The following CAMKMT variants were observed in gnomAD, a reference collection of about 807,000 sequenced individuals.
CAMKMT encodes calmodulin-lysine N-methyltransferase, also known as CaM KMT.
Under a neutral mutation model 48.0 loss-of-function variants are expected in CAMKMT, and 53 were observed. That is an observed-to-expected ratio of 1.10 (90% CI 0.89 to 1.39). CAMKMT has a LOEUF of 1.39. Ranked by LOEUF, CAMKMT falls within the 40% of genes most tolerant of loss-of-function variation. The pLI is 0.00. For synonymous variants in CAMKMT, 165 were observed against 152.3 expected (o/e 1.08, Z -0.61); for missense variants, 428 against 402.7 (o/e 1.06, Z -0.54).
intron 3 of CAMKMT, among the ~76,000 whole-genome samples, chr2:44,501,873 C>T (rs1172980245): frequency 6.6e-6 from 1 of 151,648 alleles, no homozygotes; most frequent in Admixed American, 6.6e-5. Context: ...AATAGAGTAG[C>T]GGGGTGGGTT....
intron 3 of CAMKMT, among the ~76,000 whole-genome samples, chr2:44,668,659 C>T (rs1048892924): frequency 6.6e-6 from 1 of 152,140 alleles, no homozygotes; most frequent in African/African-American, 2.4e-5. Context: ...ATATATAATT[C>T]GTAGAATATT....
At chr2:44,619,035 T>A (rs1672037784) in intron 3 of CAMKMT, among the ~76,000 whole-genome samples, 1 of 152,190 alleles carries the variant, frequency 6.6e-6, no homozygotes, top group African/African-American at 2.4e-5. Flanking sequence ...TTCTGTGACC[T>A]TTGGTCCAAG....
chr2:44,506,842 A>G (rs1670285781), intron 3 of CAMKMT, among the ~76,000 whole-genome samples: 1 of 152,174 alleles, frequency 6.6e-6, no homozygotes, highest in Non-Finnish European at 1.5e-5. Context: ...AGCTAATATT[A>G]CTTTAAATAA....
intron 3 of CAMKMT, among the ~76,000 whole-genome samples, chr2:44,523,838 C>T (rs989500312): frequency 6.0e-4 from 79 of 130,788 alleles, no homozygotes; most frequent in Admixed American, 2.8e-3. Flanking sequence ...AGTGCAGTGG[C>T]GTGATCTCGG....
chr2:44,515,660 T>C (rs1670797678), intron 3 of CAMKMT, among the ~76,000 whole-genome samples: 1 of 152,150 alleles, frequency 6.6e-6, no homozygotes, highest in South Asian at 2.1e-4. Flanking sequence ...GGATTATCAT[T>C]TCGGTTTTAG....
At chr2:44,588,897 A>G (rs1670082699) in intron 3 of CAMKMT, among the ~76,000 whole-genome samples, 1 of 12,000 alleles carries the variant, frequency 8.3e-5, no homozygotes, top group Non-Finnish European at 1.6e-4. Flanking sequence ...CGACCCGGCC[A>G]TCCGCCCCGT....
chr2:44,734,020 G>T (rs764346344), intron 7 of CAMKMT, among the ~76,000 whole-genome samples: 5 of 150,724 alleles, frequency 3.3e-5, no homozygotes, highest in East Asian at 3.9e-4. Context: ...TCAGTGTTTG[G>T]TTTCATTGAT....
intron 8 of CAMKMT, among the ~76,000 whole-genome samples, chr2:44,749,456 C>T (rs779025510): frequency 8.5e-5 from 13 of 152,136 alleles, no homozygotes; most frequent in Admixed American, 3.3e-4. Flanking sequence ...TCTGTGTGTA[C>T]GCTGTGCTGG....
At chr2:44,463,968 A>G (rs1421595727) in intron 3 of CAMKMT, among the ~76,000 whole-genome samples, 1 of 152,220 alleles carries the variant, frequency 6.6e-6, no homozygotes, top group East Asian at 1.9e-4. Flanking sequence ...CAAAGAAACA[A>G]AATAAATCTC....
intron 7 of CAMKMT, among the ~76,000 whole-genome samples, chr2:44,720,281 A>G (rs181376582): frequency 6.6e-6 from 1 of 152,292 alleles, no homozygotes; most frequent in Non-Finnish European, 1.5e-5. Flanking sequence ...TTAGAATAAC[A>G]TTGTATTGAT....
rs186999417 is a variant in CAMKMT, at chr2:44,695,120, A to G, written c.377-9163A>G. ...TGCAGCACTTCATTGAGTGACGTCA[A>G]TAATGTAGCAGAAGTGCTATAATTT... On this transcript the variant is annotated intron_variant, in intron 3 of 10. Transcript: ENST00000378494. Among the ~76,000 whole-genome samples the G allele has an allele frequency of 3.9e-5, 6 of 152,368 alleles. No individual in the cohort carries two copies. The East Asian group carries it at 1.2e-3, about 29-fold the overall frequency.
At chr2:44,437,360 C>G (rs1371793215) in intron 3 of CAMKMT, among the ~76,000 whole-genome samples, 1 of 152,168 alleles carries the variant, frequency 6.6e-6, no homozygotes. Flanking sequence ...CTGCTTCAAT[C>G]CCTTTGCTTA....
rs1338124960 is a variant in CAMKMT, at chr2:44,549,508, T to G, written c.377-154775T>G. On this transcript the variant is annotated intron_variant, in intron 3 of 10. Coordinates refer to ENST00000378494, the MANE Select transcript of CAMKMT (RefSeq NM_024766.5). ...TTGAACTGAAAACCACAATTACTTT[T>G]GCACCAACCTAAAATGTATATATAA... The G allele has an allele frequency of 4.3e-6, 3 of 693,082 alleles. No individual in the cohort carries two copies. In the Admixed American group the frequency reaches 6.1e-5, roughly 14 times the overall value. The allele number at this position is 693,082 out of a possible 1,614,324, so 42.9% of individuals were successfully genotyped here.
intron 2 of CAMKMT, among the ~76,000 whole-genome samples, chr2:44,386,266 C>T (rs1363561415): frequency 1.3e-5 from 2 of 151,924 alleles, no homozygotes; most frequent in African/African-American, 4.8e-5. Flanking sequence ...TATATTTTTC[C>T]AGGAATTTAT....
intron 3 of CAMKMT, among the ~76,000 whole-genome samples, chr2:44,546,154 G>GAC (rs4039614): frequency 0.12 from 15,385 of 128,876 alleles, 940 homozygotes; most frequent in Non-Finnish European, 0.14. Flanking sequence ...AGACTGCTAG[G>GAC]ACACACACAC....
chr2:44,592,979 C>G (rs1258457234), intron 3 of CAMKMT, among the ~76,000 whole-genome samples: 1 of 152,168 alleles, frequency 6.6e-6, no homozygotes, highest in Non-Finnish European at 1.5e-5. Flanking sequence ...TTTCTGTATA[C>G]TTGTTATATC....
intron 3 of CAMKMT, chr2:44,394,858 CAA>C (rs1558573368): frequency 2.2e-6 from 1 of 454,070 alleles, no homozygotes; most frequent in Non-Finnish European, 4.4e-6. Flanking sequence ...TTATTGAAAG[CAA>C]GACTCATTAA....
chr2:44,659,709 C>G (rs552501828), intron 3 of CAMKMT, among the ~76,000 whole-genome samples: 8 of 152,014 alleles, frequency 5.3e-5, no homozygotes, highest in African/African-American at 1.9e-4. Flanking sequence ...TTTATACTGT[C>G]TATTCATGGT....
intron 3 of CAMKMT, among the ~76,000 whole-genome samples, chr2:44,600,929 T>C (rs1670949610): frequency 6.6e-6 from 1 of 152,114 alleles, no homozygotes; most frequent in Non-Finnish European, 1.5e-5. Flanking sequence ...AACTGTACAT[T>C]AGAGTGTGTC....
Sources: allele counts gnomAD v4.1 joint callset (sites outside exome capture counted in the v4.1 genomes callset), GRCh38; gene constraint gnomAD v4.1.1; transcripts MANE v1.5; gene names NCBI Gene and HGNC (gene_info 2026-07-23, HGNC 2026-07-21).